Variants in NUB1 observed in about 807,000 individuals in gnomAD.
NUB1 encodes NEDD8 ultimate buster 1.
A neutral mutation model predicts 77.1 loss-of-function variants in NUB1; 41 were observed. That is an observed-to-expected ratio of 0.53 (90% CI 0.41 to 0.69). The LOEUF is 0.69. Ranked by LOEUF, NUB1 falls within the 30% of genes least tolerant of loss-of-function variation. The probability of loss-of-function intolerance (pLI) is 0.00; values close to 1 mark genes in which losing one functional copy is unlikely to be tolerated. For missense variants in NUB1, 643 were observed against 743.8 expected (o/e 0.86, Z 1.58); for synonymous variants, 257 against 281.0 (o/e 0.91, Z 0.85).
chr7:151,351,334 C>T, intron 3 of NUB1, 90 bp from the exon 4 acceptor site: 1 of 954,804 alleles, frequency 1.0e-6, no homozygotes, highest in Non-Finnish European at 1.6e-6. Flanking sequence ...CAGTTTATAT[C>T]CTCTGCCGTC....
chr7:151,355,658 G>A, intron 5 of NUB1, 110 bp from the exon 6 acceptor site: 2 of 1,088,508 alleles, frequency 1.8e-6, no homozygotes, highest in Non-Finnish European at 2.6e-6. Flanking sequence ...GGGTGACAGA[G>A]TGAGACCTTG....
intron 12 of NUB1, 128 bp from the exon 13 acceptor site, chr7:151,375,719 GA>G: frequency 1.5e-6 from 1 of 651,160 alleles, no homozygotes. Context: ...GCCTGAGTGG[GA>G]GCCCCTTTCT....
At chr7:151,376,303 T>A (rs1473201516) in intron 13 of NUB1, 9 of 476,334 alleles carry the variant, frequency 1.9e-5, no homozygotes, top group Admixed American at 1.4e-4. Flanking sequence ...TGTCCACATT[T>A]GTGCCCCTAC....
chr7:151,367,923 C>T lies in NUB1; in HGVS notation c.1050C>T (p.Asn350=). 6.3e-7 allele frequency: 1 copy of T among 1,599,024 alleles called. No homozygotes were observed. Among genetic ancestry groups the T allele is most frequent in the Non-Finnish European group, 8.5e-7 (1 of 1,171,858 alleles). The change falls in exon 10 of 15, where the codon AAC becomes AAT. Residue 350 remains asparagine, a synonymous_variant. Coordinates refer to ENST00000568733, the MANE Select transcript of NUB1 (RefSeq NM_001243351.2). The part of the protein sequence containing the change: ...LRLYLLQGIR[N]YHSGNDVEAY... ...TCTACTTACTTCAAGGGATCCGAAA[C>T]TATCACAGTGGAAATGATGTAGAGG...
At position 151,367,467 on chromosome 7, in the gene NUB1, T is replaced by C. The variant is rs748635158; in HGVS notation, c.987+342T>C. ...CAGAAAATAGACATTTCAGCAGTAA[T>C]GGTTTACGTGAATGAGTCACAGCTC... On this transcript the variant is annotated intron_variant, in intron 9 of 14. Coordinates refer to ENST00000568733, the MANE Select transcript of NUB1 (RefSeq NM_001243351.2). Among the ~76,000 whole-genome samples, 7 of 152,154 alleles carry C rather than the reference T, an allele frequency of 4.6e-5. No homozygotes were observed. In the South Asian group the frequency reaches 1.5e-3, roughly 32 times the overall value.
At chr7:151,352,959 CT>C (rs1796889565) in intron 5 of NUB1, 77 bp downstream of exon 5, 23 of 772,070 alleles carry the variant, frequency 3.0e-5, no homozygotes, top group Non-Finnish European at 4.2e-6. Context: ...TTCTCAATGT[CT>C]TTTCAAAAAT....
At chr7:151,373,419 G>A (rs1305064007) in intron 11 of NUB1, among the ~76,000 whole-genome samples, 2 of 152,154 alleles carry the variant, frequency 1.3e-5, no homozygotes, top group Non-Finnish European at 2.9e-5. Flanking sequence ...GGTGGGAGAG[G>A]TGAAGAGACT....
At position 151,376,686 on chromosome 7, in the gene NUB1, T is replaced by G. The variant is rs1798289957; in HGVS notation, c.1544T>G (p.Phe515Cys). Residue 515 changes from phenylalanine (F) to cysteine (C), a missense_variant, in exon 14 of 15, where the codon TTC becomes TGC. Transcript: ENST00000568733. ...GTGGCCGAAGCTGCGCTGAGAGTGT[T>G]CAGAGGCAACGTCCAGCTGGCCGCC... ...ALVAEAALRV[F>C]RGNVQLAAQT... The G allele has an allele frequency of 6.2e-7, 1 of 1,611,108 alleles. No homozygotes were observed. Among genetic ancestry groups the G allele is most frequent in the Non-Finnish European group, 8.5e-7 (1 of 1,178,900 alleles).
At chr7:151,358,968 G>A (rs2150685024) in intron 7 of NUB1, among the ~76,000 whole-genome samples, 1 of 152,086 alleles carries the variant, frequency 6.6e-6, no homozygotes, top group South Asian at 2.1e-4. Context: ...GGGAGGCTGA[G>A]GTGGAAGAAT....
At position 151,377,059 on chromosome 7, in the gene NUB1, C is replaced by A; in HGVS notation, c.1682C>A (p.Ala561Asp). ...SPSDSAGTSS[A>D]STDEDMETEA... Reference sequence around the variant, plus strand: ...TATTTTATTGTAGGAACCTCTAGTGCCTCAACAGACGAAGACATGGAGACA... The same window carrying A: ...TATTTTATTGTAGGAACCTCTAGTGACTCAACAGACGAAGACATGGAGACA... Residue 561 changes from alanine to aspartate, a missense_variant, in exon 15 of 15, where the codon GCC (alanine) becomes GAC (aspartate). Ala to Asp is a moderately radical substitution (Grantham distance 126, BLOSUM62 -2). Transcript: ENST00000568733. 1 of 1,560,028 alleles carries A rather than the reference C, an allele frequency of 6.4e-7. No individual in the cohort carries two copies.
chr7:151,356,140 T>C lies in NUB1; in HGVS notation c.611T>C (p.Val204Ala). The C allele has an allele frequency of 6.2e-7, 1 of 1,613,544 alleles. No individual in the cohort carries two copies. The highest frequency in any genetic ancestry group is 8.5e-7 in the Non-Finnish European group (1 of 1,179,500). Residue 204 changes from valine (V) to alanine (A), a missense_variant, in exon 7 of 15, where the codon GTG becomes GCG. Val to Ala is a moderately conservative substitution (Grantham distance 64, BLOSUM62 0). Transcript: ENST00000568733. Reference protein sequence around the residue: ...EILAKRAAETVVDPEMTPYLD... With the variant: ...EILAKRAAETAVDPEMTPYLD... ...GGTTTTGTTACAGCAGCAGAGACAG[T>C]GGTGGATCCAGAAATGACACCGTAC...
intron 4 of NUB1, chr7:151,352,212 C>T (rs781040713): frequency 4.6e-5 from 21 of 455,666 alleles, no homozygotes; most frequent in East Asian, 3.5e-4. Flanking sequence ...AGATTTTCTC[C>T]GGATGTGCAA....
At chr7:151,344,490 T>A (rs550375261) in intron 1 of NUB1, among the ~76,000 whole-genome samples, 360 of 144,742 alleles carry the variant, frequency 2.5e-3, no homozygotes, top group Middle Eastern at 3.5e-3. Context: ...GTTCATATAT[T>A]TTTTTTTTTT....
intron 1 of NUB1, among the ~76,000 whole-genome samples, chr7:151,345,001 A>G (rs530164602): frequency 3.0e-4 from 46 of 152,266 alleles, no homozygotes; most frequent in Admixed American, 2.8e-3. Flanking sequence ...CTCCGTCTCA[A>G]AAAAGAAAAA....
rs72617364 is a variant in NUB1, at chr7:151,351,917, A to T, written c.344+435A>T. On this transcript the variant is annotated intron_variant, in intron 4 of 14. Coordinates refer to ENST00000568733, the MANE Select transcript of NUB1 (RefSeq NM_001243351.2). ...TTCAGGCTGTTGGCCCATCTGTAAA[A>T]CACACACACACACACACACGTTTGC... Among the ~76,000 whole-genome samples the T allele has an allele frequency of 0.015, 3 of 196 alleles. No individual in the cohort carries two copies. The East Asian group carries it at 0.25, about 16-fold the overall frequency. The allele number at this position is 196 out of a possible 152,430, so 0.1% of individuals were successfully genotyped here.
intron 2 of NUB1, among the ~76,000 whole-genome samples, chr7:151,348,186 T>G (rs770755897): frequency 6.6e-5 from 10 of 152,246 alleles, no homozygotes; most frequent in Non-Finnish European, 1.3e-4. Flanking sequence ...GGAACCATAA[T>G]GACTTTGCTC....
intron 1 of NUB1, among the ~76,000 whole-genome samples, chr7:151,342,952 G>A (rs1191238437): frequency 6.6e-6 from 1 of 152,132 alleles, no homozygotes. Context: ...GGGATTACAG[G>A]TGTGAGCCAC....
chr7:151,343,550 C>T (rs971825412), intron 1 of NUB1, among the ~76,000 whole-genome samples: 1 of 152,142 alleles, frequency 6.6e-6, no homozygotes, highest in African/African-American at 2.4e-5. Context: ...TAACATTTTT[C>T]TTTACTTATT....
At chr7:151,353,023 TA>T (rs562445001) in intron 5 of NUB1, 141 bp downstream of exon 5, 176 of 575,350 alleles carry the variant, frequency 3.1e-4, no homozygotes, top group African/African-American at 2.9e-3. Context: ...TTTACTAAAA[TA>T]AAAATGTAAA....
Sources: allele counts gnomAD v4.1 joint callset (sites outside exome capture counted in the v4.1 genomes callset), GRCh38; gene constraint gnomAD v4.1.1; transcripts MANE v1.5; gene names NCBI Gene and HGNC (gene_info 2026-07-23, HGNC 2026-07-21).